The following GBE1 variants were observed in gnomAD, a reference collection of about 807,000 sequenced individuals.
GBE1 encodes the protein 1,4-alpha-glucan-branching enzyme.
In GBE1, 70 loss-of-function variants were observed where a neutral mutation model predicts 88.8. That is an observed-to-expected ratio of 0.79 (90% confidence interval 0.65 to 0.96). The LOEUF is 0.96. Among genes scored for constraint, GBE1 ranks in the 40% least tolerant of loss-of-function variants. GBE1 has a pLI of 0.00. For synonymous variants in GBE1, 284 were observed against 300.1 expected (o/e 0.95, Z 0.56); for missense variants, 872 against 871.0 (o/e 1.00, Z -0.01).
chr3:81,535,142 G>A (rs1402175467), intron 14 of GBE1, 53 bp downstream of exon 14: 2 of 1,363,690 alleles, frequency 1.5e-6, no homozygotes, highest in African/African-American at 3.1e-5. Context: ...GTCCTATAAT[G>A]TAATAAAGAA....
chr3:81,731,127 C>T (rs1202299856), intron 1 of GBE1, among the ~76,000 whole-genome samples: 2 of 152,078 alleles, frequency 1.3e-5, no homozygotes, highest in East Asian at 3.9e-4. Context: ...CATCCTATAC[C>T]ATTTTCTGCC....
chr3:81,543,309 T>C (rs941081494), intron 12 of GBE1, among the ~76,000 whole-genome samples: 2 of 152,114 alleles, frequency 1.3e-5, no homozygotes, highest in Non-Finnish European at 2.9e-5. Context: ...TCAGTGATTG[T>C]AGACAAAACA....
At chr3:81,647,774 T>C (rs1056939422) in intron 5 of GBE1, among the ~76,000 whole-genome samples, 9 of 152,096 alleles carry the variant, frequency 5.9e-5, no homozygotes, top group Admixed American at 5.2e-4. Context: ...AAGATATTAG[T>C]TTCATTCTTC....
At chr3:81,744,674 G>A (rs1273139906) in intron 1 of GBE1, among the ~76,000 whole-genome samples, 5 of 152,142 alleles carry the variant, frequency 3.3e-5, no homozygotes, top group Admixed American at 2.6e-4. Context: ...TGATTTGCAA[G>A]CTATTTTAGA....
intron 2 of GBE1, among the ~76,000 whole-genome samples, chr3:81,694,386 A>T (rs1705563812): frequency 2.0e-5 from 3 of 152,218 alleles, no homozygotes; most frequent in Admixed American, 2.0e-4. Flanking sequence ...ACTTAGAAGC[A>T]AATAAAATCA....
chr3:81,508,291 CTG>C (rs1702681350), intron 14 of GBE1, among the ~76,000 whole-genome samples: 1 of 152,092 alleles, frequency 6.6e-6, no homozygotes, highest in Non-Finnish European at 1.5e-5. Flanking sequence ...AAAAATGTCA[CTG>C]TTTCTCAATA....
intron 1 of GBE1, among the ~76,000 whole-genome samples, chr3:81,725,082 G>A (rs982472326): frequency 5.9e-5 from 9 of 152,226 alleles, no homozygotes; most frequent in Non-Finnish European, 5.9e-5. Context: ...ATGTCTGCTG[G>A]TAGACGTGTT....
chr3:81,605,779 G>C (rs958763343), intron 7 of GBE1, among the ~76,000 whole-genome samples: 1 of 152,108 alleles, frequency 6.6e-6, no homozygotes, highest in African/African-American at 2.4e-5. Context: ...AGTTGTGGTA[G>C]GGAGAAAGAG....
At chr3:81,674,097 CATCA>C (rs1373447354) in intron 2 of GBE1, among the ~76,000 whole-genome samples, 4 of 151,830 alleles carry the variant, frequency 2.6e-5, no homozygotes, top group Non-Finnish European at 5.9e-5. Context: ...GCTACCCCAC[CATCA>C]GTTTTTCCAT....
At chr3:81,620,936 A>G (rs1263868030) in intron 7 of GBE1, among the ~76,000 whole-genome samples, 1 of 152,172 alleles carries the variant, frequency 6.6e-6, no homozygotes, top group South Asian at 2.1e-4. Context: ...TCATGTGTAA[A>G]GTCACAGAGA....
At chr3:81,611,269 T>C (rs991561951) in intron 7 of GBE1, among the ~76,000 whole-genome samples, 34 of 152,172 alleles carry the variant, frequency 2.2e-4, no homozygotes, top group South Asian at 2.1e-4. Context: ...CTGACTAAAA[T>C]ATAATATGAA....
At chr3:81,580,280 G>C (rs957721798) in intron 11 of GBE1, among the ~76,000 whole-genome samples, 3 of 151,770 alleles carry the variant, frequency 2.0e-5, no homozygotes, top group African/African-American at 7.3e-5. Flanking sequence ...GTGATTACTA[G>C]GATCAGTCAC....
intron 12 of GBE1, among the ~76,000 whole-genome samples, chr3:81,549,666 A>T (rs6802452): frequency 0.98 from 147,896 of 151,410 alleles, 72,399 homozygotes; most frequent in East Asian, 1. Context: ...TACAAACACA[A>T]GGCTGGGCTC....
rs557891691 is a variant in GBE1 at position 81,668,922 on chromosome 3, T to G, written c.429+1916A>C. ...TATTGGAGCAGATAAAAATTAAAAATAACTCATTTATTAGATTATTTCCTT... is the reference window on the plus strand; with the variant it reads ...TATTGGAGCAGATAAAAATTAAAAAGAACTCATTTATTAGATTATTTCCTT... On this transcript the variant is annotated intron_variant, in intron 3 of 15. Transcript: ENST00000429644. 5.9e-5 allele frequency among the ~76,000 whole-genome samples: 9 copies of G among 152,322 alleles called. No homozygotes were observed. The South Asian group carries it at 1.7e-3, about 28-fold the overall frequency.
intron 1 of GBE1, among the ~76,000 whole-genome samples, chr3:81,745,552 G>T (rs1706409838): frequency 6.6e-6 from 1 of 151,744 alleles, no homozygotes; most frequent in Non-Finnish European, 1.5e-5. Flanking sequence ...TTGTAATGAT[G>T]GTGATGATTA....
chr3:81,717,955 TTTTATTTATTTATTTA>T (rs57810073), intron 1 of GBE1, among the ~76,000 whole-genome samples: 2,366 of 147,060 alleles, frequency 0.016, 78 homozygotes, highest in African/African-American at 0.054. Context: ...GGAAATTTTA[TTTTATTTATTTATTTA>T]TTTATTTATT....
At chr3:81,748,321 A>G (rs777971897) in intron 1 of GBE1, among the ~76,000 whole-genome samples, 1 of 152,206 alleles carries the variant, frequency 6.6e-6, no homozygotes, top group Non-Finnish European at 1.5e-5. Flanking sequence ...TAACATAAAA[A>G]ATAGTGAAGG....
At chr3:81,696,221 T>C (rs1705591252) in intron 2 of GBE1, among the ~76,000 whole-genome samples, 3 of 152,182 alleles carry the variant, frequency 2.0e-5, no homozygotes, top group African/African-American at 7.2e-5. Context: ...GCGTCAAGAC[T>C]AATCAGTGAA....
intron 7 of GBE1, among the ~76,000 whole-genome samples, chr3:81,626,821 T>A (rs574599692): frequency 6.6e-6 from 1 of 152,044 alleles, no homozygotes; most frequent in Non-Finnish European, 1.5e-5. Context: ...TATTATTATA[T>A]AGCACTTACT....
Sources: gnomAD v4.1 joint callset for allele counts (sites outside exome capture counted in the v4.1 genomes callset) on GRCh38, gnomAD v4.1.1 for gene constraint, MANE v1.5 for transcripts, NCBI Gene and HGNC (gene_info 2026-07-23, HGNC 2026-07-21) for gene names.